Variants in FCRL1 observed in about 807,000 individuals in gnomAD.
FCRL1 encodes the protein Fc receptor like 1.
In FCRL1, 34 loss-of-function variants were observed where a neutral mutation model predicts 49.2. The observed-to-expected ratio is 0.69, with a 90% CI of 0.53 to 0.92. The LOEUF is 0.92. FCRL1 is among the 40% of genes least tolerant of loss of function. The pLI is 0.00. For missense variants in FCRL1, 524 were observed against 524.1 expected (o/e 1.00, Z 0.00); for synonymous variants, 218 against 201.6 (o/e 1.08, Z -0.69).
intron 1 of FCRL1, among the ~76,000 whole-genome samples, chr1:157,810,201 A>G (rs1571395764): frequency 6.6e-6 from 1 of 152,190 alleles, no homozygotes; most frequent in East Asian, 1.9e-4. Flanking sequence ...AATGAGGAAG[A>G]AGTGTAAGGA....
chr1:157,800,136 C>A, intron 6 of FCRL1, 51 bp from the exon 7 acceptor site: 1 of 1,585,248 alleles, frequency 6.3e-7, no homozygotes, highest in Non-Finnish European at 8.6e-7. Flanking sequence ...CCCTCACTGT[C>A]AGCACTGTCA....
At chr1:157,801,886 C>T in intron 5 of FCRL1, 29 bp downstream of exon 5, 1 of 1,593,008 alleles carries the variant, frequency 6.3e-7, no homozygotes, top group Non-Finnish European at 8.5e-7. Flanking sequence ...GAGACATTGA[C>T]CAAGACAGTT....
chr1:157,799,099 C>G (rs1052076673), intron 7 of FCRL1, among the ~76,000 whole-genome samples: 3 of 152,178 alleles, frequency 2.0e-5, no homozygotes, highest in African/African-American at 7.2e-5. Flanking sequence ...CTCTCGAACT[C>G]AAGGGATTCT....
chr1:157,796,007 G>A lies in FCRL1; in HGVS notation c.*92C>T. On this transcript the variant is annotated 3_prime_UTR_variant, in exon 11 of 11. Coordinates refer to ENST00000368176, the MANE Select transcript of FCRL1 (RefSeq NM_052938.5). ...GAATGGCATCCAGAAGAGGTATACT[G>A]GAAAGCTAATGCCCCAGGATCTCTG... The A allele has an allele frequency of 9.4e-7, 1 of 1,059,390 alleles. No homozygotes were observed. Among genetic ancestry groups the A allele is most frequent in the South Asian group, 1.3e-5 (1 of 78,106 alleles). 65.6% of individuals were successfully genotyped at this position (1,059,390 alleles called of 1,614,324 possible).
At chr1:157,798,107 C>G in intron 8 of FCRL1, 54 bp downstream of exon 8, 1 of 1,565,244 alleles carries the variant, frequency 6.4e-7, no homozygotes, top group African/African-American at 1.4e-5. Context: ...ATCCCATTGT[C>G]CCTTCCCTAG....
chr1:157,811,410 T>A (rs1654299194), intron 1 of FCRL1, among the ~76,000 whole-genome samples: 1 of 152,076 alleles, frequency 6.6e-6, no homozygotes, highest in African/African-American at 2.4e-5. Context: ...CAGGATCAGC[T>A]TGGAATGCAG....
Position 157,795,384 on chromosome 1 carries a change from G to T in FCRL1, c.*715C>A, listed in dbSNP as rs906793476. On this transcript the variant is annotated 3_prime_UTR_variant, in exon 11 of 11. Coordinates refer to ENST00000368176, the MANE Select transcript of FCRL1 (RefSeq NM_052938.5). ...TAAAAAAAAAATAATTAAGATACAG[G>T]TTTCAAACCATATTACCACGATTTC... The T allele has an allele frequency of 6.6e-6, 1 of 151,936 alleles. No individual in the cohort carries two copies. The highest frequency in any genetic ancestry group is 1.5e-5 in the Non-Finnish European group (1 of 67,994). 9.4% of individuals were successfully genotyped at this position (151,936 alleles called of 1,614,324 possible).
chr1:157,800,002 A>G, intron 7 of FCRL1, 56 bp downstream of exon 7: 4 of 1,534,646 alleles, frequency 2.6e-6, no homozygotes, highest in South Asian at 1.2e-5. Flanking sequence ...ATCTAAATCT[A>G]TTTTTAAAAT....
At chr1:157,797,419 A>G (rs1385824744) in intron 9 of FCRL1, among the ~76,000 whole-genome samples, 1 of 152,196 alleles carries the variant, frequency 6.6e-6, no homozygotes, top group East Asian at 1.9e-4. Flanking sequence ...CAAGAGCACC[A>G]GCTAGGCAGC....
intron 1 of FCRL1, 108 bp downstream of exon 1, chr1:157,819,899 G>C: frequency 3.7e-6 from 5 of 1,334,248 alleles, no homozygotes; most frequent in Non-Finnish European, 5.4e-6. Context: ...GAGCACCCCT[G>C]AGCATTACCT....
Position 157,802,082 on chromosome 1 carries a change from T to C in FCRL1, c.719A>G (p.Tyr240Cys). 6.2e-7 allele frequency: 1 copy of C among 1,614,130 alleles called. No individual in the cohort carries two copies. Among genetic ancestry groups the C allele is most frequent in the Non-Finnish European group, 8.5e-7 (1 of 1,180,010 alleles). The change falls in exon 5 of 11, where the codon TAC becomes TGC. Residue 240 changes from tyrosine (Y) to cysteine (C), a missense_variant. Tyr to Cys is a radical substitution (Grantham distance 194, BLOSUM62 -2). Coordinates refer to ENST00000368176, the MANE Select transcript of FCRL1 (RefSeq NM_052938.5). Reference sequence around the variant, plus strand: ...GGTGATATCCTCGTGATAAAACCAGTACAGGATCGGAGGAGAGCCTCTCAG... The same window carrying C: ...GGTGATATCCTCGTGATAAAACCAGCACAGGATCGGAGGAGAGCCTCTCAG... ...EALRGSPPIL[Y>C]WFYHEDITLG...
Position 157,812,842 on chromosome 1 carries a change from C to T in FCRL1, c.32-5720G>A, listed in dbSNP as rs142323449. 2.6e-3 allele frequency among the ~76,000 whole-genome samples: 403 copies of T among 152,288 alleles called. 2 individuals carry two copies. The highest frequency in any genetic ancestry group is 9.0e-3 in the African/African-American group (376 of 41,564). On this transcript the variant is annotated intron_variant, in intron 1 of 10. Transcript: ENST00000368176. ...CATGCCAGGGCCAAACACCAAAAGA[C>T]ACCCTCTCAGGTATGATGGTCTATG...
At chr1:157,814,523 A>G (rs777932619) in intron 1 of FCRL1, among the ~76,000 whole-genome samples, 4 of 152,084 alleles carry the variant, frequency 2.6e-5, no homozygotes, top group Non-Finnish European at 4.4e-5. Flanking sequence ...ACCAAAACAC[A>G]AAGATAAACA....
At position 157,800,043 on chromosome 1, in the gene FCRL1, G is replaced by T; in HGVS notation, c.1031+15C>A. 1 of 1,610,864 alleles carries T rather than the reference G, an allele frequency of 6.2e-7. No homozygotes were observed. Among genetic ancestry groups the T allele is most frequent in the Non-Finnish European group, 8.5e-7 (1 of 1,178,050 alleles). On this transcript the variant is annotated intron_variant, in intron 7 of 10. Coordinates refer to ENST00000368176, the MANE Select transcript of FCRL1 (RefSeq NM_052938.5). Reference sequence around the variant, plus strand: ...TTTCTGCATTATTGACACCTATAGTGAAAACAGGCCTCACCTGAGTGGATC... The same window carrying T: ...TTTCTGCATTATTGACACCTATAGTTAAAACAGGCCTCACCTGAGTGGATC...
chr1:157,797,629 G>T (rs565823976), intron 9 of FCRL1: 2 of 1,002,474 alleles, frequency 2.0e-6, no homozygotes, highest in Non-Finnish European at 3.0e-6. Flanking sequence ...CTCTTTCTAA[G>T]TGACTATAAT....
chr1:157,816,796 G>GATAGATAC (rs1655084748), intron 1 of FCRL1, among the ~76,000 whole-genome samples: 1 of 143,798 alleles, frequency 7.0e-6, no homozygotes, highest in Middle Eastern at 3.2e-3. Flanking sequence ...TAGATAGATA[G>GATAGATAC]ATAGATAGAT....
At position 157,803,957 on chromosome 1, in the gene FCRL1, G is replaced by T; in HGVS notation, c.207C>A (p.Pro69=). ...RALGPGWSSS[P]KLQIAAMWKE... is the part of the protein sequence containing the mutation. ...TCCACATGGCAGCGATCTGGAGCTTGGGGGAGCTGCTCCAGCCTGGGCCCA... is the reference window on the plus strand; with the variant it reads ...TCCACATGGCAGCGATCTGGAGCTTTGGGGAGCTGCTCCAGCCTGGGCCCA... Residue 69 remains proline (P), a synonymous_variant, in exon 3 of 11, where the codon CCC becomes CCA. Transcript: ENST00000368176. 2 of 1,614,184 alleles carry T rather than the reference G, an allele frequency of 1.2e-6. No individual in the cohort carries two copies. Among genetic ancestry groups the T allele is most frequent in the Non-Finnish European group, 1.7e-6 (2 of 1,180,030 alleles).
At chr1:157,815,394 T>A (rs1654886495) in intron 1 of FCRL1, among the ~76,000 whole-genome samples, 1 of 151,854 alleles carries the variant, frequency 6.6e-6, no homozygotes, top group African/African-American at 2.4e-5. Context: ...ATTTTAAAAT[T>A]TATTGAGGCA....
chr1:157,803,497 C>T (rs73017172), intron 3 of FCRL1, among the ~76,000 whole-genome samples: 5 of 152,170 alleles, frequency 3.3e-5, no homozygotes, highest in Non-Finnish European at 7.3e-5. Context: ...TAGTCAACAG[C>T]CAGTCCTACA....
Sources: allele counts gnomAD v4.1 joint callset (sites outside exome capture counted in the v4.1 genomes callset), GRCh38; gene constraint gnomAD v4.1.1; transcripts MANE v1.5; gene names NCBI Gene and HGNC (gene_info 2026-07-23, HGNC 2026-07-21).